The following PCNX2 variants were observed in gnomAD, a reference collection of about 807,000 sequenced individuals.
PCNX2 encodes the protein pecanex-like protein 2.
Under a neutral mutation model 223.8 loss-of-function variants are expected in PCNX2, and 168 were observed. That is an observed-to-expected ratio of 0.75 (90% CI 0.66 to 0.85). The LOEUF (loss-of-function observed/expected upper bound fraction) is 0.85, where lower values mean the gene tolerates loss of function less well. Among genes scored for constraint, PCNX2 ranks in the 40% least tolerant of loss-of-function variants. The pLI is 0.00. For synonymous variants in PCNX2, 1,006 were observed against 1,052.6 expected (o/e 0.96, Z 0.86); for missense variants, 2,507 against 2,675.5 (o/e 0.94, Z 1.39).
At chr1:233,194,726 GAA>G (rs1680620890) in intron 15 of PCNX2, among the ~76,000 whole-genome samples, 1 of 151,986 alleles carries the variant, frequency 6.6e-6, no homozygotes, top group African/African-American at 2.4e-5. Flanking sequence ...TACAAGAAAA[GAA>G]AAGTTAGGCT....
intron 1 of PCNX2, among the ~76,000 whole-genome samples, chr1:233,264,474 A>G (rs1287186081): frequency 6.6e-6 from 1 of 152,222 alleles, no homozygotes; most frequent in African/African-American, 2.4e-5. Context: ...GCAAGAGTCT[A>G]TCTTCCAAGT....
At chr1:233,200,858 C>CT (rs556641408) in intron 13 of PCNX2, among the ~76,000 whole-genome samples, 13 of 150,992 alleles carry the variant, frequency 8.6e-5, no homozygotes, top group Non-Finnish European at 1.8e-4. Flanking sequence ...CCCACCTTTA[C>CT]TAAAAAAAAA....
intron 32 of PCNX2, among the ~76,000 whole-genome samples, chr1:232,995,316 C>T (rs1490234164): frequency 6.6e-6 from 1 of 152,130 alleles, no homozygotes; most frequent in Non-Finnish European, 1.5e-5. Flanking sequence ...ACTCAGGCTG[C>T]AGGTGTGGCC....
At chr1:233,191,912 A>C (rs2102879915) in intron 15 of PCNX2, among the ~76,000 whole-genome samples, 2 of 152,304 alleles carry the variant, frequency 1.3e-5, no homozygotes, top group East Asian at 1.9e-4. Flanking sequence ...GGTAAAACAG[A>C]GATAACCACT....
At chr1:233,043,469 A>T (rs1386273312) in intron 25 of PCNX2, among the ~76,000 whole-genome samples, 1 of 151,996 alleles carries the variant, frequency 6.6e-6, no homozygotes, top group Non-Finnish European at 1.5e-5. Flanking sequence ...GGTTAGTTAC[A>T]TACTTATGCA....
chr1:233,002,735 C>T (rs1196376923), intron 28 of PCNX2, among the ~76,000 whole-genome samples: 11 of 152,232 alleles, frequency 7.2e-5, no homozygotes, highest in South Asian at 2.1e-4. Context: ...GGAGGCATCA[C>T]GCTACCTGAC....
chr1:233,106,459 T>C (rs971705171), intron 21 of PCNX2, among the ~76,000 whole-genome samples: 2 of 151,634 alleles, frequency 1.3e-5, no homozygotes, highest in Admixed American at 1.3e-4. Context: ...TTCAAGCGAT[T>C]CTCCTGCCTC....
In PCNX2 at chr1:233,121,251, CT is replaced by C. The variant is rs1401615081; in HGVS notation, c.3837+13761del. Among the ~76,000 whole-genome samples the C allele has an allele frequency of 7.2e-5, 11 of 152,164 alleles. No individual in the cohort carries two copies. In the Middle Eastern group the frequency reaches 0.027, roughly 379 times the overall value. On this transcript the variant is annotated intron_variant, in intron 21 of 33. Coordinates refer to ENST00000258229, the MANE Select transcript of PCNX2 (RefSeq NM_014801.4). ...ATCGAATATTGTTAAAATGTTGATT[CT>C]TTACAACTTGATCTACAGATCCAGC...
chr1:233,144,069 T>TC (rs1359050743), intron 19 of PCNX2, among the ~76,000 whole-genome samples: 1 of 152,096 alleles, frequency 6.6e-6, no homozygotes, highest in African/African-American at 2.4e-5. Flanking sequence ...TAGTCCCAGC[T>TC]ACTTGGGAGG....
At chr1:233,049,544 C>A (rs1671926553) in intron 25 of PCNX2, among the ~76,000 whole-genome samples, 1 of 152,018 alleles carries the variant, frequency 6.6e-6, no homozygotes, top group Admixed American at 6.6e-5. Flanking sequence ...CCCTTGAAAC[C>A]AGAACAAGAC....
intron 27 of PCNX2, among the ~76,000 whole-genome samples, 198 bp from the exon 28 acceptor site, chr1:233,014,975 A>G (rs1217669756): frequency 6.6e-6 from 1 of 152,152 alleles, no homozygotes; most frequent in Non-Finnish European, 1.5e-5. Flanking sequence ...AAAAAAATAA[A>G]AGTGGAAAAG....
intron 1 of PCNX2, among the ~76,000 whole-genome samples, chr1:233,265,244 TA>T (rs60756475): frequency 2.3e-4 from 33 of 146,524 alleles, no homozygotes; most frequent in Admixed American, 2.7e-4. Context: ...AGACCCTCTC[TA>T]AAAAAAAAAA....
At chr1:233,173,770 A>G (rs886108556) in intron 17 of PCNX2, among the ~76,000 whole-genome samples, 36 of 152,152 alleles carry the variant, frequency 2.4e-4, no homozygotes, top group South Asian at 1.5e-3. Context: ...TTGTGACACT[A>G]CTTGTTAGAA....
the PCNX2 span, among the ~76,000 whole-genome samples, chr1:233,311,907 G>A: frequency 6.6e-6 from 1 of 152,070 alleles, no homozygotes; most frequent in Non-Finnish European, 1.5e-5. Context: ...ATCACCTGAG[G>A]CCTGAGGTCA....
At chr1:233,119,586 AAAAAAAAAAAAC>A (rs1675641824) in intron 21 of PCNX2, among the ~76,000 whole-genome samples, 1 of 125,048 alleles carries the variant, frequency 8.0e-6, no homozygotes, top group East Asian at 2.7e-4. Flanking sequence ...CCTTGTCTCA[AAAAAAAAAAAAC>A]AAAAACAAAA....
intron 27 of PCNX2, among the ~76,000 whole-genome samples, chr1:233,016,012 A>C (rs1186041813): frequency 1.3e-5 from 2 of 152,242 alleles, no homozygotes; most frequent in South Asian, 2.1e-4. Flanking sequence ...GGACAGAGCC[A>C]TCATGGAGCT....
At chr1:233,307,664 T>A in the PCNX2 span, among the ~76,000 whole-genome samples, 1,613 of 152,364 alleles carry the variant, frequency 0.011, 28 homozygotes, top group African/African-American at 0.036. Flanking sequence ...TCTCTCTGTG[T>A]CTGGTACTAT....
intron 25 of PCNX2, among the ~76,000 whole-genome samples, chr1:233,050,186 A>G (rs1671951161): frequency 6.6e-6 from 1 of 152,108 alleles, no homozygotes; most frequent in Non-Finnish European, 1.5e-5. Context: ...GTGTATATCT[A>G]TGTAACAAAC....
intron 28 of PCNX2, among the ~76,000 whole-genome samples, chr1:233,002,950 A>G (rs1439309969): frequency 6.6e-6 from 1 of 152,254 alleles, no homozygotes; most frequent in Non-Finnish European, 1.5e-5. Flanking sequence ...CTGGCTAGCC[A>G]TACGCAGAAA....
Sources: allele counts gnomAD v4.1 joint callset (sites outside exome capture counted in the v4.1 genomes callset), GRCh38; gene constraint gnomAD v4.1.1; transcripts MANE v1.5; gene names NCBI Gene and HGNC (gene_info 2026-07-23, HGNC 2026-07-21).